The following ANKFN1 variants were observed in gnomAD, a reference collection of about 807,000 sequenced individuals.
ANKFN1 encodes the protein ankyrin repeat and fibronectin type-III domain-containing protein 1.
A neutral mutation model predicts 108.7 loss-of-function variants in ANKFN1; 74 were observed. That is an observed-to-expected ratio of 0.68 (90% CI 0.56 to 0.83). The LOEUF (loss-of-function observed/expected upper bound fraction) is 0.83. Among genes scored for constraint, ANKFN1 ranks in the 40% least tolerant of loss-of-function variants. The pLI is 0.00. For missense variants in ANKFN1, 1,505 were observed against 1,382.3 expected, an observed-to-expected ratio of 1.09 and a Z score of -1.41; for synonymous variants, 547 against 516.2, an observed-to-expected ratio of 1.06 and a Z score of -0.81.
intron 4 of ANKFN1, among the ~76,000 whole-genome samples, chr17:56,069,902 A>G (rs529253561): frequency 1.3e-5 from 2 of 152,174 alleles, no homozygotes; most frequent in Non-Finnish European, 2.9e-5. Context: ...TAAGGGGTAA[A>G]TTATTCATGT....
chr17:56,116,607 C>A (rs535472265), intron 4 of ANKFN1, among the ~76,000 whole-genome samples: 15 of 152,188 alleles, frequency 9.9e-5, no homozygotes, highest in African/African-American at 3.4e-4. Flanking sequence ...CCTCTCTCAT[C>A]GGCTCCCCTT....
chr17:56,281,472 G>T lies in ANKFN1; in HGVS notation c.54-44749G>T, dbSNP rs75594406. Among the ~76,000 whole-genome samples, 1,148 of 152,158 alleles carry T rather than the reference G, an allele frequency of 7.5e-3. 8 individuals are homozygous for T. The highest frequency in any genetic ancestry group is 0.014 in the Middle Eastern group (4 of 294). On this transcript the variant is annotated intron_variant, in intron 3 of 20. Transcript: ENST00000682825. ...GAAGAAAATATAAGATAAACCATTT[G>T]CAAAGACTTCAAACAGGACACAAAA...
At chr17:56,124,337 C>T (rs1461008262) in intron 4 of ANKFN1, among the ~76,000 whole-genome samples, 1 of 152,216 alleles carries the variant, frequency 6.6e-6, no homozygotes. Context: ...CTGGTGGGTT[C>T]AGTCCATGTG....
chr17:56,135,562 G>C (rs529812594), intron 4 of ANKFN1, among the ~76,000 whole-genome samples: 1 of 152,278 alleles, frequency 6.6e-6, no homozygotes, highest in South Asian at 2.1e-4. Flanking sequence ...GCACTTTTAA[G>C]AGAAAATGAA....
intron 4 of ANKFN1, among the ~76,000 whole-genome samples, chr17:56,140,188 T>C (rs933505649): frequency 6.6e-6 from 1 of 152,254 alleles, no homozygotes; most frequent in Non-Finnish European, 1.5e-5. Flanking sequence ...TGCTGTTTCC[T>C]AGGTCAAAAC....
chr17:56,102,253 G>A (rs1185109536), intron 4 of ANKFN1, among the ~76,000 whole-genome samples: 2 of 152,164 alleles, frequency 1.3e-5, no homozygotes, highest in East Asian at 3.9e-4. Context: ...TTTATCTGGA[G>A]CCATTCAGTG....
At chr17:56,410,110 G>C (rs955437784) in intron 8 of ANKFN1, among the ~76,000 whole-genome samples, 8 of 151,750 alleles carry the variant, frequency 5.3e-5, no homozygotes, top group African/African-American at 1.9e-4. Context: ...TTTTTGAGAC[G>C]GAGTCTCACT....
rs1235677876 is a variant in ANKFN1, at chr17:56,410,968, A to C, written c.911-29359A>C. On this transcript the variant is annotated intron_variant, in intron 8 of 20. Coordinates refer to ENST00000682825, the MANE Select transcript of ANKFN1 (RefSeq NM_001370326.1). ...AAATCCAGTTTTGTTATTTTTGCTCAAGATTGCTTTGATTATTTTGAGGTC... is the reference window on the plus strand; with the variant it reads ...AAATCCAGTTTTGTTATTTTTGCTCCAGATTGCTTTGATTATTTTGAGGTC... 2.0e-5 allele frequency among the ~76,000 whole-genome samples: 3 copies of C among 152,148 alleles called. No homozygotes were observed. The South Asian group carries it at 6.2e-4, about 32-fold the overall frequency.
At chr17:56,187,290 C>G (rs995059837) in intron 1 of ANKFN1, among the ~76,000 whole-genome samples, 2 of 152,196 alleles carry the variant, frequency 1.3e-5, no homozygotes, top group African/African-American at 2.4e-5. Context: ...TGAACAGACA[C>G]TTCTCAAAAG....
At chr17:56,419,497 A>G (rs2048336201) in intron 8 of ANKFN1, among the ~76,000 whole-genome samples, 1 of 151,516 alleles carries the variant, frequency 6.6e-6, no homozygotes, top group African/African-American at 2.4e-5. Flanking sequence ...AAAAAAAAAA[A>G]GAGATATAAA....
At chr17:56,297,250 C>T (rs7211966) in intron 3 of ANKFN1, among the ~76,000 whole-genome samples, 3,987 of 152,234 alleles carry the variant, frequency 0.026, 86 homozygotes, top group African/African-American at 0.056. Context: ...AGAGGAGCTT[C>T]GGAGCCAGAC....
At chr17:56,139,847 A>G (rs191843708) in intron 4 of ANKFN1, among the ~76,000 whole-genome samples, 1 of 152,272 alleles carries the variant, frequency 6.6e-6, no homozygotes, top group African/African-American at 2.4e-5. Flanking sequence ...GTGTTACACT[A>G]TCTCGGTTTT....
chr17:56,097,071 A>G (rs114763741), intron 4 of ANKFN1, among the ~76,000 whole-genome samples: 3,683 of 152,276 alleles, frequency 0.024, 145 homozygotes, highest in East Asian at 0.17. Context: ...TTGAGTACAG[A>G]CGGATACATG....
chr17:56,334,442 C>A (rs2045750497), intron 4 of ANKFN1, among the ~76,000 whole-genome samples: 1 of 151,980 alleles, frequency 6.6e-6, no homozygotes, highest in Non-Finnish European at 1.5e-5. Flanking sequence ...TATGTCAAAG[C>A]TAATCAAATT....
At chr17:56,204,538 G>A (rs1017210213) in intron 1 of ANKFN1, among the ~76,000 whole-genome samples, 11 of 144,966 alleles carry the variant, frequency 7.6e-5, no homozygotes, top group African/African-American at 2.3e-4. Context: ...CTGGGGTTTC[G>A]CCATGTTGGC....
chr17:56,309,897 TGA>T (rs2044960598), intron 3 of ANKFN1, among the ~76,000 whole-genome samples: 3 of 152,346 alleles, frequency 2.0e-5, no homozygotes, highest in East Asian at 3.9e-4. Flanking sequence ...TGATGTGAGA[TGA>T]GACAATGCCT....
In ANKFN1 at chr17:56,492,241, C is replaced by T; in HGVS notation, c.2315C>T (p.Ala772Val). 1 of 702,554 alleles carries T rather than the reference C, an allele frequency of 1.4e-6. No homozygotes were observed. Among genetic ancestry groups the T allele is most frequent in the Non-Finnish European group, 2.6e-6 (1 of 384,722 alleles). The allele number at this position is 702,554 out of a possible 1,614,324, so 43.5% of individuals were successfully genotyped here. ...KFISLYCRLSAVVELDSLNTQ... is the reference protein window; with the variant it reads ...KFISLYCRLSVVVELDSLNTQ... ...ATTAGTCTGTATTGCCGCCTTTCTG[C>T]TGTTGTGGAGCTGGATTCTCTGAAC... Residue 772 changes from alanine (A) to valine (V), a missense_variant, in exon 19 of 21, where the codon GCT (alanine) becomes GTT (valine). By Grantham distance (64) the Ala-to-Val change is moderately conservative. Transcript: ENST00000682825.
chr17:56,309,186 A>G (rs1335722525), intron 3 of ANKFN1, among the ~76,000 whole-genome samples: 2 of 152,130 alleles, frequency 1.3e-5, no homozygotes, highest in African/African-American at 4.8e-5. Flanking sequence ...TGGACTAGAC[A>G]TTACTTTTTT....
At chr17:56,352,530 C>T (rs974607132) in intron 5 of ANKFN1, among the ~76,000 whole-genome samples, 1 of 152,172 alleles carries the variant, frequency 6.6e-6, no homozygotes, top group African/African-American at 2.4e-5. Context: ...TTGGTCTTCT[C>T]CCATGTGCTA....
Sources: gnomAD v4.1 joint callset for allele counts (sites outside exome capture counted in the v4.1 genomes callset) on GRCh38, gnomAD v4.1.1 for gene constraint, MANE v1.5 for transcripts, NCBI Gene and HGNC (gene_info 2026-07-23, HGNC 2026-07-21) for gene names.